Variants in AKAP13 observed in about 807,000 individuals in gnomAD.
AKAP13 encodes the protein A-kinase anchoring protein 13.
A neutral mutation model predicts 264.5 loss-of-function variants in AKAP13; 80 were observed. The observed-to-expected ratio is 0.30, with a 90% CI of 0.25 to 0.36. The LOEUF is 0.36. Ranked by LOEUF, AKAP13 falls within the 10% of genes least tolerant of loss-of-function variation. The probability of loss-of-function intolerance (pLI) is 1.00; values close to 1 mark genes in which losing one functional copy is unlikely to be tolerated. For synonymous variants in AKAP13, 1,380 were observed against 1,250.2 expected (o/e 1.10, Z -2.19); for missense variants, 3,712 against 3,435.2 (o/e 1.08, Z -2.01).
intron 19 of AKAP13, among the ~76,000 whole-genome samples, chr15:85,711,215 T>G (rs964696743): frequency 6.6e-5 from 10 of 152,000 alleles, no homozygotes; most frequent in African/African-American, 2.4e-4. Flanking sequence ...TTATAGAAAA[T>G]AGTTCTTTTT....
chr15:85,427,395 A>C (rs2072842650), intron 1 of AKAP13, among the ~76,000 whole-genome samples: 1 of 151,844 alleles, frequency 6.6e-6, no homozygotes, highest in Non-Finnish European at 1.5e-5. Context: ...TCCTTCTCCT[A>C]GTACATGATG....
intron 2 of AKAP13, among the ~76,000 whole-genome samples, chr15:85,490,889 C>A (rs559116186): frequency 7.9e-5 from 12 of 152,220 alleles, no homozygotes; most frequent in East Asian, 1.9e-4. Context: ...TGTGATTGTG[C>A]CTGACCAGGG....
intron 9 of AKAP13, among the ~76,000 whole-genome samples, chr15:85,640,258 G>A (rs931676246): frequency 2.0e-5 from 3 of 152,198 alleles, no homozygotes; most frequent in Admixed American, 1.3e-4. Context: ...CGACTGCTAA[G>A]TGAATACTAG....
At position 85,521,512 on chromosome 15, in the gene AKAP13, A is replaced by G. The variant is rs1410844083; in HGVS notation, c.118A>G (p.Thr40Ala). ...GTTTTACTTGGTATTTTTGGGTTCC[A>G]CCCTCCGTCACTGTACAAGTACTCG... ...VVFYLVFLGS[T>A]LRHCTSTRKV... The change falls in exon 3 of 37, where the codon ACC becomes GCC. Residue 40 changes from threonine (T) to alanine (A), a missense_variant. By Grantham distance (58) the Thr-to-Ala change is moderately conservative. Transcript: ENST00000394518. 1 of 1,614,020 alleles carries G rather than the reference A, an allele frequency of 6.2e-7. No homozygotes were observed. Among genetic ancestry groups the G allele is most frequent in the Non-Finnish European group, 8.5e-7 (1 of 1,180,030 alleles).
intron 8 of AKAP13, among the ~76,000 whole-genome samples, chr15:85,601,180 G>GTCA (rs1263568689): frequency 3.9e-5 from 6 of 152,146 alleles, no homozygotes; most frequent in Non-Finnish European, 8.8e-5. Context: ...GCATTAAAAA[G>GTCA]AGTTACTCAT....
intron 16 of AKAP13, among the ~76,000 whole-genome samples, chr15:85,691,568 C>G (rs919430077): frequency 6.6e-6 from 1 of 152,206 alleles, no homozygotes; most frequent in Non-Finnish European, 1.5e-5. Context: ...TGCTTTCAGT[C>G]TGTCTCTAGA....
At chr15:85,642,544 C>T (rs904044042) in intron 9 of AKAP13, among the ~76,000 whole-genome samples, 12 of 152,356 alleles carry the variant, frequency 7.9e-5, no homozygotes, top group South Asian at 4.1e-4. Flanking sequence ...CCCCCCACCT[C>T]CCCCCGCCCC....
intron 1 of AKAP13, among the ~76,000 whole-genome samples, chr15:85,427,202 G>A (rs561165767): frequency 7.1e-4 from 108 of 152,092 alleles, no homozygotes; most frequent in African/African-American, 2.5e-3. Flanking sequence ...TGATCCGCCC[G>A]CCTCGGCCTC....
chr15:85,599,803 A>G (rs185916542), intron 8 of AKAP13, among the ~76,000 whole-genome samples: 42 of 152,310 alleles, frequency 2.8e-4, no homozygotes, highest in Non-Finnish European at 5.9e-5. Context: ...TGGGAGGCCA[A>G]GGTGGGAGGA....
chr15:85,471,769 A>G (rs1433017737), intron 1 of AKAP13, among the ~76,000 whole-genome samples: 3 of 152,232 alleles, frequency 2.0e-5, no homozygotes, highest in Admixed American at 6.5e-5. Context: ...GGATCGCATA[A>G]TAGGTAATAT....
chr15:85,655,352 GA>G, intron 10 of AKAP13, 64 bp from the exon 11 acceptor site: 1 of 1,554,246 alleles, frequency 6.4e-7, no homozygotes, highest in Non-Finnish European at 8.7e-7. Context: ...GCTTGATCTA[GA>G]ATAACTGAGG....
At chr15:85,485,783 T>C in intron 2 of AKAP13, 30 bp downstream of exon 2, 1 of 1,607,902 alleles carries the variant, frequency 6.2e-7, no homozygotes, top group South Asian at 1.1e-5. Context: ...TCTTATTATT[T>C]TGTGTTTATC....
rs576954624 is a variant in AKAP13 at position 85,705,104 on chromosome 15, G to A, written c.5465-2915G>A. On this transcript the variant is annotated intron_variant, in intron 17 of 36. Transcript: ENST00000394518. ...GGGGACATGTTTCAATTAATTAAAA[G>A]TGAATTTATGTGAAAAGTTCTTTAC... 2.6e-5 allele frequency among the ~76,000 whole-genome samples: 4 copies of A among 152,322 alleles called. No homozygotes were observed. The East Asian group carries it at 5.8e-4, about 22-fold the overall frequency.
At chr15:85,577,078 CT>C (rs1435027536) in intron 6 of AKAP13, among the ~76,000 whole-genome samples, 1 of 152,182 alleles carries the variant, frequency 6.6e-6, no homozygotes, top group African/African-American at 2.4e-5. Flanking sequence ...TTTGAATACT[CT>C]TAAGGAGCCT....
chr15:85,400,234 C>A (rs994387101), intron 1 of AKAP13, among the ~76,000 whole-genome samples: 23 of 152,032 alleles, frequency 1.5e-4, no homozygotes, highest in Admixed American at 1.4e-3. Context: ...ATAGTGAGAG[C>A]CTGTCTCTAC....
intron 10 of AKAP13, among the ~76,000 whole-genome samples, chr15:85,649,383 C>T (rs1206386999): frequency 6.6e-6 from 1 of 152,224 alleles, no homozygotes; most frequent in East Asian, 1.9e-4. Context: ...GGCAGATAGG[C>T]CATCAGCTGC....
chr15:85,623,255 AC>A (rs1361314419), intron 8 of AKAP13, among the ~76,000 whole-genome samples: 2 of 152,198 alleles, frequency 1.3e-5, no homozygotes, highest in African/African-American at 4.8e-5. Context: ...AACACTCAAA[AC>A]AACGTTTGTT....
rs762100659 is a variant in AKAP13, at chr15:85,581,751, C to T, written c.3683C>T (p.Pro1228Leu). The T allele has an allele frequency of 1.5e-5, 24 of 1,614,062 alleles. No homozygotes were observed. Among genetic ancestry groups the T allele is most frequent in the Non-Finnish European group, 1.9e-5 (23 of 1,180,020 alleles). The change falls in exon 7 of 37, where the codon CCC becomes CTC. Residue 1228 changes from proline to leucine, a missense_variant. Physicochemically the swap from Pro to Leu is moderately conservative, Grantham distance 98. Transcript: ENST00000394518. ...APPSGRERSTPSLPCMVSAQD... is the reference protein window; with the variant it reads ...APPSGRERSTLSLPCMVSAQD... The stretch of plus-strand genomic sequence containing the variant: ...CCTTCAGGCAGGGAAAGGAGCACTC[C>T]CTCTCTACCTTGCATGGTCTCTGCC...
At chr15:85,446,923 A>C (rs556340853) in intron 1 of AKAP13, among the ~76,000 whole-genome samples, 60 of 152,282 alleles carry the variant, frequency 3.9e-4, no homozygotes, top group African/African-American at 1.4e-3. Flanking sequence ...TTAAACTTAA[A>C]AAAGTGAATG....
Sources: gnomAD v4.1 joint callset for allele counts (sites outside exome capture counted in the v4.1 genomes callset) on GRCh38, gnomAD v4.1.1 for gene constraint, MANE v1.5 for transcripts, NCBI Gene and HGNC (gene_info 2026-07-23, HGNC 2026-07-21) for gene names.